Variants in MRC1 observed in about 807,000 individuals in gnomAD.
MRC1 encodes macrophage mannose receptor 1.
A neutral mutation model predicts 102.9 loss-of-function variants in MRC1; 62 were observed. That is an observed-to-expected ratio of 0.60 (90% CI 0.49 to 0.74). The LOEUF (loss-of-function observed/expected upper bound fraction) is 0.74, where lower values mean the gene tolerates loss of function less well. Among genes scored for constraint, MRC1 ranks in the 30% least tolerant of loss-of-function variants. The pLI, the probability that MRC1 is intolerant of heterozygous loss-of-function variation, is 0.00. For synonymous variants in MRC1, 457 were observed against 298.4 expected (o/e 1.53, Z -5.48); for missense variants, 1,237 against 862.8 (o/e 1.43, Z -5.43).
chr10:17,849,376 G>A (rs1421973317), intron 6 of MRC1, among the ~76,000 whole-genome samples: 3 of 150,590 alleles, frequency 2.0e-5, no homozygotes, highest in East Asian at 1.9e-4. Flanking sequence ...AGGTTATTTT[G>A]TTTTGTCTAA....
intron 15 of MRC1, 84 bp from the exon 16 acceptor site, chr10:17,873,700 C>T (rs1833387018): frequency 3.6e-6 from 3 of 827,398 alleles, no homozygotes; most frequent in Middle Eastern, 2.2e-4. Flanking sequence ...GCAATATTGA[C>T]TCATGAAAAT....
At chr10:17,812,058 A>C (rs1172927199) in intron 1 of MRC1, among the ~76,000 whole-genome samples, 1 of 152,060 alleles carries the variant, frequency 6.6e-6, no homozygotes, top group African/African-American at 2.4e-5. Flanking sequence ...CCTACTTGCC[A>C]TCAGTTTATT....
rs970756088 is a variant in MRC1 at position 17,831,552 on chromosome 10, G to T, written c.638-2123G>T. On this transcript the variant is annotated intron_variant, in intron 3 of 29. Coordinates refer to ENST00000569591, the MANE Select transcript of MRC1 (RefSeq NM_002438.4). ...AAGGTCTATGATCGCTTCCTCATCAGATATAAAGGGCAATTAGATACAGTT... is the reference window on the plus strand; with the variant it reads ...AAGGTCTATGATCGCTTCCTCATCATATATAAAGGGCAATTAGATACAGTT... 6.5e-4 allele frequency among the ~76,000 whole-genome samples: 99 copies of T among 151,458 alleles called. 3 individuals are homozygous for T. The highest frequency in any genetic ancestry group is 2.6e-3 in the Admixed American group (39 of 15,246).
At position 17,907,562 on chromosome 10, in the gene MRC1, G is replaced by C. The variant is rs781839916; in HGVS notation, c.3942G>C (p.Pro1314=). The C allele has an allele frequency of 1.9e-5, 15 of 780,670 alleles. No homozygotes were observed. Among genetic ancestry groups the C allele is most frequent in the Non-Finnish European group, 3.3e-5 (14 of 417,944 alleles). The allele number at this position is 780,670 out of a possible 1,614,324, so 48.4% of individuals were successfully genotyped here. A position where few individuals can be genotyped will look rare whatever the true frequency, so the allele number is the denominator to read the frequency against. ...EGTWLWINNS[P]VSFVNWNTGD... is the part of the protein sequence containing the mutation. ...CGTGGCTGTGGATAAATAACAGTCCGGTCTCCTTTGTCAACTGGAACACAG... is the reference window on the plus strand; with the variant it reads ...CGTGGCTGTGGATAAATAACAGTCCCGTCTCCTTTGTCAACTGGAACACAG... The change falls in exon 28 of 30, where the codon CCG becomes CCC. Residue 1314 remains proline (P), a synonymous_variant. Transcript: ENST00000569591.
intron 4 of MRC1, among the ~76,000 whole-genome samples, chr10:17,834,082 G>A (rs1177813312): frequency 3.3e-5 from 5 of 152,168 alleles, no homozygotes; most frequent in African/African-American, 9.7e-5. Context: ...AGGATTCTGA[G>A]GGCTAATCTA....
chr10:17,842,967 A>T (rs943111447), intron 5 of MRC1, among the ~76,000 whole-genome samples: 2 of 152,228 alleles, frequency 1.3e-5, no homozygotes, highest in African/African-American at 4.8e-5. Context: ...GTGGAAATTA[A>T]AAATCGGTTT....
Position 17,909,337 on chromosome 10 carries a change from T to G in MRC1, c.4110T>G (p.Leu1370=), listed in dbSNP as rs934863121. The G allele has an allele frequency of 5.0e-5, 44 of 871,932 alleles. No homozygotes were observed. Among genetic ancestry groups the G allele is most frequent in the Non-Finnish European group, 8.6e-5 (43 of 501,064 alleles). The allele number at this position is 871,932 out of a possible 1,614,324, so 54.0% of individuals were successfully genotyped here. A position where few individuals can be genotyped will look rare whatever the true frequency, so the allele number is the denominator to read the frequency against. Residue 1370 remains leucine, a synonymous_variant, in exon 29 of 30, where the codon CTT becomes CTG. Transcript: ENST00000569591. The part of the protein sequence containing the change: ...IIDAKPTHEL[L]TTKADTRKMD... ...ATGCTAAACCTACTCATGAATTACT[T>G]ACAACAAAAGGTAAGGCCATTGCAA...
At chr10:17,878,844 A>G (rs1296389578) in intron 18 of MRC1, among the ~76,000 whole-genome samples, 2 of 152,120 alleles carry the variant, frequency 1.3e-5, no homozygotes, top group African/African-American at 4.8e-5. Flanking sequence ...TTATTTTTAA[A>G]GAGTAAAAAT....
chr10:17,836,368 G>T (rs1200779604), intron 4 of MRC1, among the ~76,000 whole-genome samples: 1 of 152,152 alleles, frequency 6.6e-6, no homozygotes, highest in East Asian at 1.9e-4. Context: ...TCTAATAGTG[G>T]AACAGAAAGG....
intron 17 of MRC1, among the ~76,000 whole-genome samples, chr10:17,877,451 A>C (rs1833452418): frequency 1.3e-5 from 2 of 150,242 alleles, no homozygotes; most frequent in African/African-American, 4.9e-5. Context: ...CAGGGTGACT[A>C]TTTTTCATAT....
At chr10:17,887,392 A>G (rs917384201) in intron 22 of MRC1, among the ~76,000 whole-genome samples, 37 of 151,578 alleles carry the variant, frequency 2.4e-4, no homozygotes, top group African/African-American at 8.5e-4. Context: ...CTCCGCCTCA[A>G]AACAAAACAA....
At chr10:17,811,518 AC>A (rs58447754) in intron 1 of MRC1, among the ~76,000 whole-genome samples, 1 of 150,956 alleles carries the variant, frequency 6.6e-6, no homozygotes, top group Non-Finnish European at 1.5e-5. Flanking sequence ...AATTCAAGGG[AC>A]CCCCCTTCCA....
chr10:17,851,926 T>G (rs1465841195), intron 7 of MRC1, among the ~76,000 whole-genome samples: 3 of 152,210 alleles, frequency 2.0e-5, no homozygotes, highest in African/African-American at 7.2e-5. Context: ...CATTGTGATG[T>G]TTTCCTCATT....
intron 24 of MRC1, 28 bp downstream of exon 24, chr10:17,898,294 G>T (rs1833782703): frequency 1.3e-6 from 1 of 780,772 alleles, no homozygotes; most frequent in South Asian, 1.3e-5. Context: ...TGTGCAACTT[G>T]ACATGATCAG....
intron 2 of MRC1, among the ~76,000 whole-genome samples, chr10:17,827,173 A>G (rs1838488897): frequency 6.6e-6 from 1 of 151,950 alleles, no homozygotes; most frequent in African/African-American, 2.4e-5. Flanking sequence ...GTATCACTTC[A>G]TTTTCCACTG....
chr10:17,841,600 T>C (rs1838750377), intron 5 of MRC1, among the ~76,000 whole-genome samples: 1 of 152,196 alleles, frequency 6.6e-6, no homozygotes, highest in South Asian at 2.1e-4. Flanking sequence ...TAAGTTTACA[T>C]ATTGAGCAAC....
chr10:17,879,703 C>T lies in MRC1; in HGVS notation c.2619-18C>T. 1 of 780,796 alleles carries T rather than the reference C, an allele frequency of 1.3e-6. No homozygotes were observed. The highest frequency in any genetic ancestry group is 2.4e-6 in the Non-Finnish European group (1 of 417,966). 48.4% of individuals were successfully genotyped at this position (780,796 alleles called of 1,614,324 possible). ...TAATGATTGGATCGTTTCAAAATGC[C>T]TGAATTTTCTTTTCCAGTTGGATGG... On this transcript the variant is annotated intron_variant, in intron 18 of 29. Coordinates refer to ENST00000569591, the MANE Select transcript of MRC1 (RefSeq NM_002438.4).
intron 1 of MRC1, among the ~76,000 whole-genome samples, chr10:17,816,121 C>G (rs1246333924): frequency 6.6e-6 from 1 of 152,192 alleles, no homozygotes; most frequent in Non-Finnish European, 1.5e-5. Flanking sequence ...CTAACACCCT[C>G]CATCAGCCCC....
At chr10:17,815,512 T>C (rs1218215694) in intron 1 of MRC1, among the ~76,000 whole-genome samples, 1 of 142,012 alleles carries the variant, frequency 7.0e-6, no homozygotes, top group Non-Finnish European at 1.6e-5. Flanking sequence ...GGGTTCACAG[T>C]CCAGGACACA....
Sources: allele counts gnomAD v4.1 joint callset (sites outside exome capture counted in the v4.1 genomes callset), GRCh38; gene constraint gnomAD v4.1.1; transcripts MANE v1.5; gene names NCBI Gene and HGNC (gene_info 2026-07-23, HGNC 2026-07-21).